The following HGF variants were observed in gnomAD, a reference collection of about 807,000 sequenced individuals.
The protein encoded by HGF is hepatocyte growth factor.
HGF carries 39 observed loss-of-function variants against 111.6 expected under a neutral mutation model. The observed-to-expected ratio is 0.35, with a 90% CI of 0.27 to 0.46. The LOEUF is 0.46. HGF is among the 20% of genes least tolerant of loss of function. The probability of loss-of-function intolerance (pLI) is 1.00; values close to 1 mark genes in which losing one functional copy is unlikely to be tolerated. For missense variants in HGF, 735 were observed against 910.5 expected (o/e 0.81, Z 2.48); for synonymous variants, 285 against 294.8 (o/e 0.97, Z 0.34).
rs535280157 is a variant in HGF at position 81,725,335 on chromosome 7, A to G, written c.1168+555T>C. ...TGCTTATTTATTTAACTTTCCCAGA[A>G]CTCCCTCATCTCACACCATTTGCAT... is the stretch of plus-strand genomic sequence containing the variant. On this transcript the variant is annotated intron_variant, in intron 9 of 17. Transcript: ENST00000222390. Among the ~76,000 whole-genome samples the G allele has an allele frequency of 4.0e-5, 6 of 151,316 alleles. No homozygotes were observed. In the East Asian group the frequency reaches 9.7e-4, roughly 25 times the overall value.
At chr7:81,734,254 G>T (rs1055835035) in intron 7 of HGF, among the ~76,000 whole-genome samples, 1 of 152,096 alleles carries the variant, frequency 6.6e-6, no homozygotes, top group Non-Finnish European at 1.5e-5. Context: ...TTTGCCAGGG[G>T]TATCAGCAGT....
chr7:81,705,332 A>T (rs5745755), intron 17 of HGF, 58 bp downstream of exon 17: 17 of 1,528,704 alleles, frequency 1.1e-5, no homozygotes, highest in Non-Finnish European at 1.5e-5. Context: ...AGAAAAAAAT[A>T]AACATGAAAC....
rs1584030584 is a variant in HGF at position 81,770,031 on chromosome 7, G to C, written c.-60C>G. On this transcript the variant is annotated 5_prime_UTR_variant, in exon 1 of 18. Transcript: ENST00000222390. ...GGAGATGCCTGGGTGAAAGAATCCT[G>C]TTCGGAGTCAGTGCCTAAAAGAGCC... 7.7e-7 allele frequency: 1 copy of C among 1,295,392 alleles called. No homozygotes were observed. The highest frequency in any genetic ancestry group is 2.5e-5 in the East Asian group (1 of 39,676). 80.2% of individuals were successfully genotyped at this position (1,295,392 alleles called of 1,614,324 possible). A position where few individuals can be genotyped will look rare whatever the true frequency, so the allele number is the denominator to read the frequency against.
At chr7:81,728,184 A>C (rs1790069905) in intron 8 of HGF, among the ~76,000 whole-genome samples, 1 of 152,246 alleles carries the variant, frequency 6.6e-6, no homozygotes, top group Non-Finnish European at 1.5e-5. Context: ...AGATTTTATC[A>C]GTTTTATAAC....
intron 2 of HGF, among the ~76,000 whole-genome samples, chr7:81,760,406 GT>G (rs1789007745): frequency 6.6e-6 from 1 of 152,134 alleles, no homozygotes; most frequent in South Asian, 2.1e-4. Context: ...AATCAATATT[GT>G]TGATAACTTC....
chr7:81,721,326 C>A (rs773995524), intron 9 of HGF, among the ~76,000 whole-genome samples: 4 of 152,104 alleles, frequency 2.6e-5, no homozygotes, highest in African/African-American at 7.2e-5. Context: ...ATTAAAAAAT[C>A]TTTATTTTAA....
At chr7:81,706,586 T>C (rs1415481004) in intron 14 of HGF, among the ~76,000 whole-genome samples, 159 bp from the exon 15 acceptor site, 2 of 152,058 alleles carry the variant, frequency 1.3e-5, no homozygotes, top group African/African-American at 4.8e-5. Context: ...TATGGCAGAT[T>C]CTGAATACTA....
intron 7 of HGF, among the ~76,000 whole-genome samples, chr7:81,733,104 T>C (rs181033470): frequency 1.1e-3 from 175 of 152,204 alleles, no homozygotes; most frequent in Admixed American, 2.0e-3. Context: ...ATTAGCATAT[T>C]TTAAAGCATT....
At chr7:81,756,147 G>T in intron 4 of HGF, 1 of 664,178 alleles carries the variant, frequency 1.5e-6, no homozygotes, top group South Asian at 1.6e-5. Context: ...AGGTTATAGA[G>T]TGATGGTGAC....
rs541380986 is a variant in HGF at position 81,753,743 on chromosome 7, C to T, written c.483-1481G>A. ...TTATCCATATTATGCAACTTCAATG[C>T]ATCTAAGTAGTAATAGTTAATATCC... On this transcript the variant is annotated intron_variant, in intron 4 of 17. Transcript: ENST00000222390. 3.3e-5 allele frequency among the ~76,000 whole-genome samples: 5 copies of T among 152,094 alleles called. No homozygotes were observed. The East Asian group carries it at 5.8e-4, about 18-fold the overall frequency.
rs1251609653 is a variant in HGF at position 81,720,920 on chromosome 7, A to C, written c.1169-73T>G. 9.8e-6 allele frequency: 8 copies of C among 813,072 alleles called. No homozygotes were observed. In the African/African-American group the frequency reaches 1.4e-4, roughly 14 times the overall value. The allele number at this position is 813,072 out of a possible 1,614,324, so 50.4% of individuals were successfully genotyped here. On this transcript the variant is annotated intron_variant, in intron 9 of 17. Transcript: ENST00000222390. ...TAAAACAAAAAGGTTTTTTACAAGT[A>C]TATGGAATCATGAAATCAACATAAA... is the stretch of plus-strand genomic sequence containing the variant.
Position 81,751,930 on chromosome 7 carries a change from G to T in HGF, c.625+190C>A. On this transcript the variant is annotated intron_variant, in intron 5 of 17. Coordinates refer to ENST00000222390, the MANE Select transcript of HGF (RefSeq NM_000601.6). ...AACTGATAACTCGCTCTGTTATTTT[G>T]CATTAATCTGGTGATAATCCAACAG... 17 of 1,409,144 alleles carry T rather than the reference G, an allele frequency of 1.2e-5. No individual in the cohort carries two copies. The South Asian group carries it at 2.2e-4, about 18-fold the overall frequency. 87.3% of individuals were successfully genotyped at this position (1,409,144 alleles called of 1,614,324 possible). A position where few individuals can be genotyped will look rare whatever the true frequency, so the allele number is the denominator to read the frequency against.
chr7:81,752,901 T>G (rs1788574551), intron 4 of HGF, among the ~76,000 whole-genome samples: 1 of 152,074 alleles, frequency 6.6e-6, no homozygotes, highest in Non-Finnish European at 1.5e-5. Flanking sequence ...ATCTTACACC[T>G]TATATGGTTA....
intron 5 of HGF, among the ~76,000 whole-genome samples, chr7:81,747,743 G>A (rs1788330217): frequency 6.6e-6 from 1 of 152,082 alleles, no homozygotes; most frequent in Non-Finnish European, 1.5e-5. Flanking sequence ...CACTTTGGGA[G>A]GCCAAGGCAG....
intron 7 of HGF, among the ~76,000 whole-genome samples, chr7:81,736,154 C>T (rs1583961519): frequency 6.6e-6 from 1 of 152,050 alleles, no homozygotes; most frequent in East Asian, 1.9e-4. Flanking sequence ...AGTAGTTCCT[C>T]CTTAATTGCA....
intron 7 of HGF, among the ~76,000 whole-genome samples, chr7:81,738,693 C>T (rs758140814): frequency 2.0e-5 from 3 of 152,140 alleles, no homozygotes; most frequent in Admixed American, 6.6e-5. Context: ...AGTATTCAAA[C>T]GTTGGCTGGC....
intron 6 of HGF, among the ~76,000 whole-genome samples, chr7:81,744,198 G>A (rs4732405): frequency 0.75 from 114,170 of 152,042 alleles, 43,142 homozygotes; most frequent in Middle Eastern, 0.88. Flanking sequence ...AATTTCCTGT[G>A]TAATTATTTG....
At chr7:81,736,348 C>T (rs1787824908) in intron 7 of HGF, among the ~76,000 whole-genome samples, 2 of 152,034 alleles carry the variant, frequency 1.3e-5, no homozygotes, top group Non-Finnish European at 2.9e-5. Flanking sequence ...CACTTAGTAG[C>T]CTTCTAGGTG....
At chr7:81,711,595 A>G (rs1789571802) in intron 11 of HGF, 76 bp from the exon 12 acceptor site, 1 of 641,322 alleles carries the variant, frequency 1.6e-6, no homozygotes, top group Non-Finnish European at 2.7e-6. Flanking sequence ...AATATATATT[A>G]AAATCCAAGT....
Sources: allele counts gnomAD v4.1 joint callset (sites outside exome capture counted in the v4.1 genomes callset), GRCh38; gene constraint gnomAD v4.1.1; transcripts MANE v1.5; gene names NCBI Gene and HGNC (gene_info 2026-07-23, HGNC 2026-07-21).